The following MIS18BP1 variants were observed in gnomAD, a reference collection of about 807,000 sequenced individuals.
The protein encoded by MIS18BP1 is MIS18 binding protein 1.
MIS18BP1 carries 72 observed loss-of-function variants against 116.1 expected under a neutral mutation model. The ratio of observed to expected loss-of-function variants is 0.62; its 90% CI spans 0.51 to 0.75. The LOEUF is 0.75. Among genes scored for constraint, MIS18BP1 ranks in the 30% least tolerant of loss-of-function variants. The pLI is 0.00. For missense variants in MIS18BP1, 1,363 were observed against 1,303.2 expected (o/e 1.05, Z -0.71); for synonymous variants, 386 against 427.0 (o/e 0.90, Z 1.18).
chr14:45,205,030 C>T (rs1214360237), intron 15 of MIS18BP1, among the ~76,000 whole-genome samples: 2 of 152,080 alleles, frequency 1.3e-5, no homozygotes, highest in Admixed American at 6.6e-5. Context: ...CATGCTCACA[C>T]ACATTACAAT....
At chr14:45,210,885 G>A (rs1293000302) in intron 13 of MIS18BP1, among the ~76,000 whole-genome samples, 2 of 152,102 alleles carry the variant, frequency 1.3e-5, no homozygotes, top group African/African-American at 4.8e-5. Flanking sequence ...CCTGGGTCTG[G>A]GGGGATAACA....
chr14:45,221,460 TA>T (rs1263807107), intron 11 of MIS18BP1, among the ~76,000 whole-genome samples: 1 of 150,530 alleles, frequency 6.6e-6, no homozygotes, highest in African/African-American at 2.5e-5. Context: ...TAAAATAAAA[TA>T]AAATAAAAGA....
intron 14 of MIS18BP1, among the ~76,000 whole-genome samples, chr14:45,208,102 T>G (rs928486428): frequency 6.6e-6 from 1 of 152,188 alleles, no homozygotes; most frequent in African/African-American, 2.4e-5. Flanking sequence ...TTCCTAGCTT[T>G]TGAAAACTAC....
At position 45,242,315 on chromosome 14, in the gene MIS18BP1, G is replaced by C. The variant is rs1891600662; in HGVS notation, c.862C>G (p.Leu288Val). The C allele has an allele frequency of 1.2e-6, 2 of 1,614,010 alleles. No homozygotes were observed. ...TTAATAGGAATACAATTAGTACTGAGAGTCTCAGCATTAGTATTTTGAAAT... is the reference window on the plus strand; with the variant it reads ...TTAATAGGAATACAATTAGTACTGACAGTCTCAGCATTAGTATTTTGAAAT... Reference protein sequence around the residue: ...EQFQNTNAETLSTNCIPIKNG... With the variant: ...EQFQNTNAETVSTNCIPIKNG... Residue 288 changes from leucine to valine, a missense_variant, in exon 4 of 17, where the codon CTC becomes GTC. Transcript: ENST00000310806.
At chr14:45,249,032 A>C (rs530263142) in intron 1 of MIS18BP1, among the ~76,000 whole-genome samples, 1 of 150,602 alleles carries the variant, frequency 6.6e-6, no homozygotes, top group African/African-American at 2.4e-5. Flanking sequence ...CAGCCTCCAG[A>C]GTAGCTGGGA....
At chr14:45,204,333 C>A in intron 16 of MIS18BP1, 66 bp downstream of exon 16, 1 of 1,537,238 alleles carries the variant, frequency 6.5e-7, no homozygotes, top group Non-Finnish European at 8.9e-7. Context: ...AATTTTAATA[C>A]CATTTAAATA....
chr14:45,208,335 T>G (rs1890578944), intron 14 of MIS18BP1, among the ~76,000 whole-genome samples: 1 of 149,550 alleles, frequency 6.7e-6, no homozygotes, highest in Non-Finnish European at 1.5e-5. Flanking sequence ...AAGTTGTTTT[T>G]TTTTTTTTTT....
Position 45,203,899 on chromosome 14 carries a change from T to G in MIS18BP1, c.*210A>C. On this transcript the variant is annotated 3_prime_UTR_variant, in exon 17 of 17. Coordinates refer to ENST00000310806, the MANE Select transcript of MIS18BP1 (RefSeq NM_018353.5). The stretch of plus-strand genomic sequence containing the variant: ...ATATGCAAAAACAAATTTACAGATA[T>G]CTACACGAGCAAAAACAATTTTCTT... 1 of 429,882 alleles carries G rather than the reference T, an allele frequency of 2.3e-6. No individual in the cohort carries two copies. The highest frequency in any genetic ancestry group is 3.7e-6 in the Non-Finnish European group (1 of 271,026). 26.6% of individuals were successfully genotyped at this position (429,882 alleles called of 1,614,324 possible). A position where few individuals can be genotyped will look rare whatever the true frequency, so the allele number is the denominator to read the frequency against.
In MIS18BP1 at chr14:45,247,268, T is replaced by G. The variant is rs1477269685; in HGVS notation, c.19A>C (p.Lys7Gln). Residue 7 changes from lysine (K) to glutamine (Q), a missense_variant, in exon 2 of 17, where the codon AAA (lysine) becomes CAA (glutamine). Coordinates refer to ENST00000310806, the MANE Select transcript of MIS18BP1 (RefSeq NM_018353.5). ...GGAGGTAAGTAAATTCTTGAATGTT[T>G]CAAAGGTGTTGCAATCATCTTGACA... MIATPLKHSRIYLPPEA... is the reference protein window; with the variant it reads MIATPLQHSRIYLPPEA... The G allele has an allele frequency of 6.4e-7, 1 of 1,574,112 alleles. No homozygotes were observed. Among genetic ancestry groups the G allele is most frequent in the Non-Finnish European group, 8.6e-7 (1 of 1,165,536 alleles).
rs1293284438 is a variant in MIS18BP1 at position 45,227,750 on chromosome 14, A to G, written c.1659T>C (p.Asn553=). 21 of 1,613,822 alleles carry G rather than the reference A, an allele frequency of 1.3e-5. No individual in the cohort carries two copies. The highest frequency in any genetic ancestry group is 1.7e-5 in the Admixed American group (1 of 59,998). ...ACCTTAATGTTGGTTTATTTTGGCA[A>G]TTACTGTGGCACATGTTTAATTCTG... The part of the protein sequence containing the change: ...GATELNMCHS[N]CQNKPTLRFP... The change falls in exon 9 of 17, where the codon AAT becomes AAC. Residue 553 remains asparagine (N), a synonymous_variant. Transcript: ENST00000310806.
Position 45,226,782 on chromosome 14 carries a change from C to T in MIS18BP1, c.1801G>A (p.Glu601Lys). The change falls in exon 10 of 17, where the codon GAA becomes AAA. Residue 601 changes from glutamate to lysine, a missense_variant. By Grantham distance (56) the Glu-to-Lys change is moderately conservative. Coordinates refer to ENST00000310806, the MANE Select transcript of MIS18BP1 (RefSeq NM_018353.5). ...KMSSKKLKIGERTNERIIKSQ... is the reference protein window; with the variant it reads ...KMSSKKLKIGKRTNERIIKSQ... The stretch of plus-strand genomic sequence containing the variant: ...TTTATTATCCTTTCATTTGTTCTTT[C>T]ACCAATTTTTAGTTTCTTTGAAGAC... 1.4e-6 allele frequency: 2 copies of T among 1,413,432 alleles called. No individual in the cohort carries two copies. The highest frequency in any genetic ancestry group is 1.9e-6 in the Non-Finnish European group (2 of 1,062,158). 87.6% of individuals were successfully genotyped at this position (1,413,432 alleles called of 1,614,324 possible). A position where few individuals can be genotyped will look rare whatever the true frequency, so the allele number is the denominator to read the frequency against.
rs377398952 is a variant in MIS18BP1, at chr14:45,246,887, T to C, written c.400A>G (p.Ser134Gly). ...RDKQEQPSRN[S>G]SLLEPQKSGN... Reference sequence around the variant, plus strand: ...CTTTTCTGTGGTTCCAACAAACTACTGTTTCTTGATGGCTGTTCTTGCTTG... The same window carrying C: ...CTTTTCTGTGGTTCCAACAAACTACCGTTTCTTGATGGCTGTTCTTGCTTG... The change falls in exon 2 of 17, where the codon AGT becomes GGT. Residue 134 changes from serine (S) to glycine (G), a missense_variant. Transcript: ENST00000310806. 3.1e-6 allele frequency: 5 copies of C among 1,612,702 alleles called. No homozygotes were observed. Among genetic ancestry groups the C allele is most frequent in the Non-Finnish European group, 3.4e-6 (4 of 1,179,764 alleles).
intron 4 of MIS18BP1, among the ~76,000 whole-genome samples, chr14:45,238,344 T>A (rs1391194302): frequency 6.6e-6 from 1 of 152,160 alleles, no homozygotes; most frequent in African/African-American, 2.4e-5. Context: ...AAATTTAAGA[T>A]TGAACTACTT....
chr14:45,249,089 C>A (rs1891800175), intron 1 of MIS18BP1, among the ~76,000 whole-genome samples: 1 of 146,916 alleles, frequency 6.8e-6, no homozygotes, highest in Admixed American at 6.8e-5. Context: ...TTTTTTTTTA[C>A]TTATTTGTTT....
intron 13 of MIS18BP1, among the ~76,000 whole-genome samples, chr14:45,215,907 T>C (rs1191706966): frequency 6.6e-6 from 1 of 151,954 alleles, no homozygotes; most frequent in Non-Finnish European, 1.5e-5. Context: ...GCTTTCACCG[T>C]GTTGGCCAGG....
intron 6 of MIS18BP1, among the ~76,000 whole-genome samples, chr14:45,234,832 G>C (rs1481129744): frequency 2.6e-5 from 4 of 152,146 alleles, no homozygotes; most frequent in African/African-American, 9.7e-5. Context: ...GTGCCAGGTG[G>C]GTTCAACAAA....
chr14:45,217,346 G>C (rs1485909385), intron 12 of MIS18BP1, among the ~76,000 whole-genome samples, 167 bp from the exon 13 acceptor site: 1 of 151,976 alleles, frequency 6.6e-6, no homozygotes, highest in Non-Finnish European at 1.5e-5. Flanking sequence ...CCAGCACTTC[G>C]GGAGGCCAAG....
chr14:45,207,541 CT>C (rs964242908), intron 14 of MIS18BP1, among the ~76,000 whole-genome samples: 1 of 152,090 alleles, frequency 6.6e-6, no homozygotes, highest in Non-Finnish European at 1.5e-5. Context: ...ATCCCTGCTA[CT>C]TGGGAGGCTG....
At position 45,227,651 on chromosome 14, in the gene MIS18BP1, A is replaced by T; in HGVS notation, c.1746+12T>A. ...ATCAACTTGAACTATACAGTGTACAATAAAGCCTTACCTGATTAGATAAGT... is the reference window on the plus strand; with the variant it reads ...ATCAACTTGAACTATACAGTGTACATTAAAGCCTTACCTGATTAGATAAGT... On this transcript the variant is annotated intron_variant, in intron 9 of 16. Transcript: ENST00000310806. 1 of 1,609,352 alleles carries T rather than the reference A, an allele frequency of 6.2e-7. No homozygotes were observed. Among genetic ancestry groups the T allele is most frequent in the Non-Finnish European group, 8.5e-7 (1 of 1,175,860 alleles).
Sources: gnomAD v4.1 joint callset for allele counts (sites outside exome capture counted in the v4.1 genomes callset) on GRCh38, gnomAD v4.1.1 for gene constraint, MANE v1.5 for transcripts, NCBI Gene and HGNC (gene_info 2026-07-23, HGNC 2026-07-21) for gene names.